Variants in RGS7 observed in about 807,000 individuals in gnomAD.
RGS7 encodes regulator of G-protein signaling 7.
A neutral mutation model predicts 81.1 loss-of-function variants in RGS7; 27 were observed. That is an observed-to-expected ratio of 0.33 (90% CI 0.25 to 0.46). The LOEUF (loss-of-function observed/expected upper bound fraction) is 0.46. Ranked by LOEUF, RGS7 falls within the 20% of genes least tolerant of loss-of-function variation. The probability of loss-of-function intolerance (pLI) is 1.00; values close to 1 mark genes in which losing one functional copy is unlikely to be tolerated. For synonymous variants in RGS7, 208 were observed against 207.7 expected, an observed-to-expected ratio of 1.00 and a Z score of -0.01; for missense variants, 396 against 607.4, an observed-to-expected ratio of 0.65 and a Z score of 3.66.
chr1:240,778,627 G>A (rs78114843), intron 18 of RGS7, among the ~76,000 whole-genome samples: 252 of 152,220 alleles, frequency 1.7e-3, no homozygotes, highest in African/African-American at 5.8e-3. Flanking sequence ...GCACCTCCCG[G>A]ATTCAAGCAA....
chr1:240,851,170 A>G (rs1300485381), intron 9 of RGS7, among the ~76,000 whole-genome samples: 1 of 152,226 alleles, frequency 6.6e-6, no homozygotes, highest in African/African-American at 2.4e-5. Flanking sequence ...TTGGAAGGAC[A>G]GGCTGACTCT....
intron 3 of RGS7, among the ~76,000 whole-genome samples, chr1:241,016,485 T>C (rs558895230): frequency 1.8e-3 from 274 of 151,936 alleles, no homozygotes; most frequent in African/African-American, 6.2e-3. Context: ...GCCACTGCAC[T>C]CTAACCTGGT....
chr1:240,896,797 G>A (rs1669170747), intron 6 of RGS7, among the ~76,000 whole-genome samples: 1 of 152,192 alleles, frequency 6.6e-6, no homozygotes, highest in South Asian at 2.1e-4. Flanking sequence ...GAACTTTAAA[G>A]TAGTTTTTTC....
intron 2 of RGS7, among the ~76,000 whole-genome samples, chr1:241,258,745 T>C (rs776991431): frequency 2.6e-5 from 4 of 152,160 alleles, no homozygotes; most frequent in Non-Finnish European, 5.9e-5. Flanking sequence ...AGCCTGAATT[T>C]TAACAAGCAA....
intron 3 of RGS7, among the ~76,000 whole-genome samples, chr1:240,990,356 C>T (rs188505172): frequency 6.6e-5 from 10 of 152,144 alleles, no homozygotes; most frequent in East Asian, 1.9e-4. Context: ...TTGAATGAAA[C>T]GAATATGTTA....
Position 241,200,670 on chromosome 1 carries a change from G to A in RGS7, c.79-101908C>T, listed in dbSNP as rs138154881. Among the ~76,000 whole-genome samples, 1,121 of 152,226 alleles carry A rather than the reference G, an allele frequency of 7.4e-3. 14 individuals are homozygous for A. The highest frequency in any genetic ancestry group is 0.026 in the African/African-American group (1,075 of 41,524). On this transcript the variant is annotated intron_variant, in intron 2 of 18. Coordinates refer to ENST00000440928, the MANE Select transcript of RGS7 (RefSeq NM_001364886.1). ...ACCATAACTGCAGGCAACCAAAACC[G>A]TCTTCCTAAAGCTCCCTCTCCTTTA...
chr1:241,084,153 T>C (rs2063303704), intron 3 of RGS7, among the ~76,000 whole-genome samples: 1 of 152,238 alleles, frequency 6.6e-6, no homozygotes, highest in South Asian at 2.1e-4. Context: ...CATGTACGAC[T>C]GCCCCTGTGA....
chr1:241,225,614 C>T (rs138650993), intron 2 of RGS7, among the ~76,000 whole-genome samples: 1 of 152,096 alleles, frequency 6.6e-6, no homozygotes, highest in Non-Finnish European at 1.5e-5. Context: ...TTTGATATGC[C>T]TTTTAGAGAG....
intron 10 of RGS7, among the ~76,000 whole-genome samples, chr1:240,818,561 G>T (rs1026871568): frequency 6.6e-6 from 1 of 152,100 alleles, no homozygotes; most frequent in South Asian, 2.1e-4. Flanking sequence ...AACAGTAGAG[G>T]TTGATTTCTT....
intron 3 of RGS7, among the ~76,000 whole-genome samples, chr1:240,988,827 T>C (rs1572141810): frequency 6.6e-6 from 1 of 152,174 alleles, no homozygotes; most frequent in South Asian, 2.1e-4. Context: ...CAAAAGCGGG[T>C]ACTGAAAAAA....
intron 3 of RGS7, among the ~76,000 whole-genome samples, chr1:241,059,980 T>A (rs945934897): frequency 4.0e-5 from 6 of 151,382 alleles, no homozygotes; most frequent in Non-Finnish European, 5.9e-5. Context: ...ATTACCAAAT[T>A]CCATCAACAT....
At chr1:241,166,754 C>G (rs1371616217) in intron 2 of RGS7, among the ~76,000 whole-genome samples, 3 of 152,166 alleles carry the variant, frequency 2.0e-5, no homozygotes, top group Non-Finnish European at 4.4e-5. Flanking sequence ...GTGCCAAAAG[C>G]AGCATATTCT....
chr1:241,086,238 C>T (rs745832030), intron 3 of RGS7, among the ~76,000 whole-genome samples: 3 of 152,156 alleles, frequency 2.0e-5, no homozygotes, highest in Admixed American at 6.6e-5. Context: ...GTGAATATAG[C>T]CAAAACATAT....
At chr1:240,784,403 G>A (rs182018759) in intron 18 of RGS7, among the ~76,000 whole-genome samples, 2 of 152,016 alleles carry the variant, frequency 1.3e-5, no homozygotes, top group Admixed American at 1.3e-4. Context: ...CACTCTGGGA[G>A]GTAGAGGCGG....
At chr1:240,831,162 C>G (rs1693768208) in intron 9 of RGS7, among the ~76,000 whole-genome samples, 1 of 151,978 alleles carries the variant, frequency 6.6e-6, no homozygotes. Flanking sequence ...AAATAGTAAG[C>G]TGGATCTGGG....
At chr1:241,255,253 T>C (rs2148241159) in intron 2 of RGS7, among the ~76,000 whole-genome samples, 1 of 152,312 alleles carries the variant, frequency 6.6e-6, no homozygotes, top group East Asian at 1.9e-4. Flanking sequence ...AATAAATGTA[T>C]TTTGAGCTTC....
At chr1:241,262,604 C>T (rs2077393168) in intron 2 of RGS7, among the ~76,000 whole-genome samples, 1 of 152,180 alleles carries the variant, frequency 6.6e-6, no homozygotes, top group South Asian at 2.1e-4. Flanking sequence ...GTGGCCACAT[C>T]TCACATTGTT....
rs574989297 is a variant in RGS7 at position 241,175,149 on chromosome 1, G to C, written c.79-76387C>G. On this transcript the variant is annotated intron_variant, in intron 2 of 18. Coordinates refer to ENST00000440928, the MANE Select transcript of RGS7 (RefSeq NM_001364886.1). ...GAATGCCTGACCTCGTGATCCACTG[G>C]CCTTGGCCTCTCAAAGTGCTGGGAT... 1.1e-4 allele frequency among the ~76,000 whole-genome samples: 17 copies of C among 152,044 alleles called. No homozygotes were observed. The East Asian group carries it at 3.1e-3, about 28-fold the overall frequency.
intron 3 of RGS7, among the ~76,000 whole-genome samples, chr1:240,996,432 GTTC>G (rs1344219219): frequency 6.6e-6 from 1 of 152,112 alleles, no homozygotes; most frequent in African/African-American, 2.4e-5. Context: ...GAATAGTCTA[GTTC>G]TTCTTTCAGT....
Sources: gnomAD v4.1 joint callset for allele counts (sites outside exome capture counted in the v4.1 genomes callset) on GRCh38, gnomAD v4.1.1 for gene constraint, MANE v1.5 for transcripts, NCBI Gene and HGNC (gene_info 2026-07-23, HGNC 2026-07-21) for gene names.